Variants in SLC26A8 observed in about 807,000 individuals in gnomAD.
SLC26A8 encodes testis anion transporter 1.
SLC26A8 carries 70 observed loss-of-function variants against 105.0 expected under a neutral mutation model. That is an observed-to-expected ratio of 0.67 (90% CI 0.55 to 0.81). The LOEUF is 0.81. Ranked by LOEUF, SLC26A8 falls within the 40% of genes least tolerant of loss-of-function variation. The probability of loss-of-function intolerance (pLI) is 0.00; values close to 1 mark genes in which losing one functional copy is unlikely to be tolerated. For missense variants in SLC26A8, 998 were observed against 1,181.8 expected (o/e 0.84, Z 2.28); for synonymous variants, 415 against 438.3 (o/e 0.95, Z 0.66).
chr6:35,946,655 C>T (rs924481723), intron 19 of SLC26A8, among the ~76,000 whole-genome samples: 2 of 152,124 alleles, frequency 1.3e-5, no homozygotes, highest in South Asian at 2.1e-4. Flanking sequence ...AATGTTAGTA[C>T]GTTAGGAAAA....
rs1450821226 is a variant in SLC26A8 at position 35,943,788 on chromosome 6, CAGGA to C, written c.*108_*111del. ...GCTGGCAGGTAGTAGGAGTCACAGT[CAGGA>C]AGGAAGTACTGCTAGTTCGTATCCA... On this transcript the variant is annotated 3_prime_UTR_variant, in exon 20 of 20. Coordinates refer to ENST00000490799, the MANE Select transcript of SLC26A8 (RefSeq NM_052961.4). 1.4e-6 allele frequency: 2 copies of C among 1,461,864 alleles called. No individual in the cohort carries two copies. The highest frequency in any genetic ancestry group is 2.3e-5 in the East Asian group (1 of 43,038). The allele number at this position is 1,461,864 out of a possible 1,614,324, so 90.6% of individuals were successfully genotyped here.
intron 7 of SLC26A8, among the ~76,000 whole-genome samples, chr6:35,983,233 GAGA>G (rs376712090): frequency 2.3e-4 from 35 of 152,298 alleles, no homozygotes; most frequent in African/African-American, 8.4e-4. Context: ...GCTTGGATCA[GAGA>G]AGAAGAGTCT....
At chr6:36,003,860 A>G (rs1053947012) in intron 3 of SLC26A8, among the ~76,000 whole-genome samples, 9 of 151,712 alleles carry the variant, frequency 5.9e-5, no homozygotes, top group African/African-American at 2.2e-4. Context: ...ATGGGGTTTC[A>G]CCATGTTAGC....
intron 9 of SLC26A8, among the ~76,000 whole-genome samples, chr6:35,976,052 T>C (rs1773006793): frequency 6.6e-6 from 1 of 152,160 alleles, no homozygotes; most frequent in African/African-American, 2.4e-5. Context: ...GGCATTTTTA[T>C]TCTCTTTCAA....
chr6:36,024,553 T>C lies in SLC26A8; in HGVS notation c.-52A>G, dbSNP rs1455710534. On this transcript the variant is annotated 5_prime_UTR_variant, in exon 1 of 20. Transcript: ENST00000490799. ...TGCGGGCGCTGGGATCCCACACGGC[T>C]CTCGCCTGGCTGGCGGCGCTGCGGA... is the stretch of plus-strand genomic sequence containing the variant. 2.5e-6 allele frequency: 1 copy of C among 398,330 alleles called. No individual in the cohort carries two copies. Among genetic ancestry groups the C allele is most frequent in the South Asian group, 1.8e-5 (1 of 55,338 alleles). The allele number at this position is 398,330 out of a possible 1,614,324, so 24.7% of individuals were successfully genotyped here. A position where few individuals can be genotyped will look rare whatever the true frequency, so the allele number is the denominator to read the frequency against.
rs1264488006 is a variant in SLC26A8 at position 35,981,076 on chromosome 6, G to A, written c.1025+1045C>T. Among the ~76,000 whole-genome samples, 1 of 151,974 alleles carries A rather than the reference G, an allele frequency of 6.6e-6. No homozygotes were observed. Among genetic ancestry groups the A allele is most frequent in the Non-Finnish European group, 1.5e-5 (1 of 67,992 alleles). On this transcript the variant is annotated intron_variant, in intron 8 of 19. Transcript: ENST00000490799. The surrounding 1 kb of genome is among the most constrained non-coding windows in gnomAD (Gnocchi z 4.0). Reference sequence around the variant, plus strand: ...TAGCAAGTATGCTTCACTCTTTACAGGATTCCTTATTATACAACGTGAGGA... The same window carrying A: ...TAGCAAGTATGCTTCACTCTTTACAAGATTCCTTATTATACAACGTGAGGA...
At chr6:36,013,741 C>T (rs533051833) in intron 2 of SLC26A8, among the ~76,000 whole-genome samples, 222 of 152,252 alleles carry the variant, frequency 1.5e-3, no homozygotes, top group Admixed American at 6.5e-3. Context: ...GAAGATTTTT[C>T]ATGTGTAAAC....
chr6:35,958,250 A>G (rs1772167651), intron 16 of SLC26A8, among the ~76,000 whole-genome samples: 1 of 152,162 alleles, frequency 6.6e-6, no homozygotes, highest in Non-Finnish European at 1.5e-5. Context: ...CTGTAATCCC[A>G]GCACTTTGGG....
chr6:36,015,116 T>C (rs1487026886), intron 2 of SLC26A8, among the ~76,000 whole-genome samples: 2 of 150,644 alleles, frequency 1.3e-5, no homozygotes, highest in African/African-American at 2.4e-5. Flanking sequence ...CTTTTTTTTT[T>C]TTTTTTTTTG....
In SLC26A8 at chr6:36,019,642, T is replaced by A. The variant is rs1029482721; in HGVS notation, c.66A>T (p.Ala22=). 2.0e-5 allele frequency: 32 copies of A among 1,614,082 alleles called. No individual in the cohort carries two copies. The highest frequency in any genetic ancestry group is 2.6e-5 in the Non-Finnish European group (31 of 1,180,032). The change falls in exon 2 of 20, where the codon GCA becomes GCT. Residue 22 remains alanine, a synonymous_variant. Transcript: ENST00000490799. ...TGTATACTTCACGCTTAACATCATATGCGAATGAGTTTCGCCTGGACTTAG... is the reference window on the plus strand; with the variant it reads ...TGTATACTTCACGCTTAACATCATAAGCGAATGAGTTTCGCCTGGACTTAG... ...FSSKSRRNSF[A]YDVKREVYNE... is the part of the protein sequence containing the mutation.
intron 2 of SLC26A8, among the ~76,000 whole-genome samples, chr6:36,018,397 A>G (rs1028476849): frequency 6.6e-6 from 1 of 152,264 alleles, no homozygotes; most frequent in Non-Finnish European, 1.5e-5. Context: ...GCTAAGTGAA[A>G]GAAGTCAGAC....
At chr6:35,978,127 G>A (rs1773112358) in intron 8 of SLC26A8, among the ~76,000 whole-genome samples, 3 of 113,390 alleles carry the variant, frequency 2.6e-5, no homozygotes, top group Admixed American at 9.4e-5. Context: ...ACCAAAACCA[G>A]ACATAGACAG....
chr6:35,977,458 T>C, intron 8 of SLC26A8, 107 bp from the exon 9 acceptor site: 1 of 1,103,602 alleles, frequency 9.1e-7, no homozygotes, highest in Non-Finnish European at 1.2e-6. Context: ...TTTTTTTTTT[T>C]AATAACAATA....
intron 7 of SLC26A8, among the ~76,000 whole-genome samples, chr6:35,991,012 T>C (rs1761130176): frequency 6.6e-6 from 1 of 152,214 alleles, no homozygotes; most frequent in Admixed American, 6.5e-5. Context: ...CTATAGTTAA[T>C]AATGTGTACT....
chr6:36,014,584 A>T (rs1355694758), intron 2 of SLC26A8, among the ~76,000 whole-genome samples: 4 of 114,308 alleles, frequency 3.5e-5, no homozygotes, highest in South Asian at 2.7e-4. Flanking sequence ...CATTTACATT[A>T]AAAAAACTCA....
In SLC26A8 at chr6:35,999,986, A is replaced by G. The variant is rs1226381829; in HGVS notation, c.445+6T>C. 1.3e-6 allele frequency: 2 copies of G among 1,584,060 alleles called. No homozygotes were observed. The highest frequency in any genetic ancestry group is 1.7e-5 in the Admixed American group (1 of 59,928). On this transcript the variant is annotated splice_donor_region_variant and intron_variant, in intron 4 of 19. Coordinates refer to ENST00000490799, the MANE Select transcript of SLC26A8 (RefSeq NM_052961.4). ...CACCGCATGTGTATTTCAGTGCTGA[A>G]CTCACCAATGGACATTTGATGACAC...
chr6:36,024,601 C>A lies in SLC26A8; in HGVS notation c.-100G>T, dbSNP rs1471681392. ...GGACGCGGATACCGGCGGCGGTTCCCGAGCCGTTGTGGCCTAGCCCGCGGG... is the reference window on the plus strand; with the variant it reads ...GGACGCGGATACCGGCGGCGGTTCCAGAGCCGTTGTGGCCTAGCCCGCGGG... On this transcript the variant is annotated 5_prime_UTR_variant, in exon 1 of 20. Coordinates refer to ENST00000490799, the MANE Select transcript of SLC26A8 (RefSeq NM_052961.4). 2 of 372,608 alleles carry A rather than the reference C, an allele frequency of 5.4e-6. No individual in the cohort carries two copies. Among genetic ancestry groups the A allele is most frequent in the Non-Finnish European group, 1.1e-5 (2 of 190,324 alleles). 23.1% of individuals were successfully genotyped at this position (372,608 alleles called of 1,614,324 possible).
At chr6:35,997,111 A>C (rs10947587) in intron 5 of SLC26A8, among the ~76,000 whole-genome samples, 107,674 of 151,844 alleles carry the variant, frequency 0.71, 38,620 homozygotes, top group Middle Eastern at 0.78. Flanking sequence ...GAGTCCCCAG[A>C]CCCCTGGGGC....
At chr6:35,945,758 C>T (rs1771636779) in intron 19 of SLC26A8, among the ~76,000 whole-genome samples, 1 of 152,170 alleles carries the variant, frequency 6.6e-6, no homozygotes, top group Non-Finnish European at 1.5e-5. Flanking sequence ...ACTCTAAGCT[C>T]CTTGTGGTAT....
Sources: gnomAD v4.1 joint callset for allele counts (sites outside exome capture counted in the v4.1 genomes callset) on GRCh38, gnomAD v4.1.1 for gene constraint, Gnocchi (gnomAD v3.1) non-coding constraint, MANE v1.5 for transcripts, NCBI Gene and HGNC (gene_info 2026-07-23, HGNC 2026-07-21) for gene names.